Variants in ZRANB1 observed in about 807,000 individuals in gnomAD.
ZRANB1 encodes zinc finger RANBP2-type containing 1.
In ZRANB1, 16 loss-of-function variants were observed where a neutral mutation model predicts 80.5. That is an observed-to-expected ratio of 0.20 (90% confidence interval 0.13 to 0.30). ZRANB1 has a LOEUF of 0.30. Among genes scored for constraint, ZRANB1 ranks in the 10% least tolerant of loss-of-function variants. The pLI, the probability that ZRANB1 is intolerant of heterozygous loss-of-function variation, is 1.00. For missense variants in ZRANB1, 576 were observed against 862.6 expected, an observed-to-expected ratio of 0.67 and a Z score of 4.16; for synonymous variants, 291 against 293.1, an observed-to-expected ratio of 0.99 and a Z score of 0.07.
Position 124,942,948 on chromosome 10 carries a change from A to G in ZRANB1, c.455A>G (p.His152Arg), listed in dbSNP as rs77656372. Residue 152 changes from histidine to arginine, a missense_variant, in exon 1 of 9, where the codon CAC becomes CGC. By Grantham distance (29) the His-to-Arg change is conservative (BLOSUM62 0). This residue lies in a region of ZRANB1 where 411 missense variants were observed against 583.1 expected (regional missense o/e 0.70). Coordinates refer to ENST00000359653, the MANE Select transcript of ZRANB1 (RefSeq NM_017580.3). The stretch of plus-strand genomic sequence containing the variant: ...AATAAACTGAACACTAGGACACAGC[A>G]CTGGACTTGCTCTGTTTGCACATAT... ...DRNKLNTRTQ[H>R]WTCSVCTYEN... 864 of 1,614,234 alleles carry G rather than the reference A, an allele frequency of 5.4e-4. 3 individuals are homozygous for G. Among genetic ancestry groups the G allele is most frequent in the African/African-American group, 5.3e-3 (400 of 75,062 alleles).
chr10:124,945,341 T>G (rs1217275497), intron 1 of ZRANB1: 1 of 152,146 alleles, frequency 6.6e-6, no homozygotes, highest in East Asian at 1.9e-4. Context: ...TTTACATATC[T>G]GTGAGCTTTT....
In ZRANB1 at chr10:124,986,523, A is replaced by G. The variant is rs1404201788; in HGVS notation, c.*1531A>G. The G allele has an allele frequency of 6.6e-6, 1 of 152,330 alleles. No individual in the cohort carries two copies. The allele number at this position is 152,330 out of a possible 1,614,324, so 9.4% of individuals were successfully genotyped here. On this transcript the variant is annotated 3_prime_UTR_variant, in exon 9 of 9. Coordinates refer to ENST00000359653, the MANE Select transcript of ZRANB1 (RefSeq NM_017580.3). ...TCAGTAAAAAGGTGTTCCCAGGATG[A>G]AAAGATCATTTTTTGCTGCATGCTA...
the ZRANB1 span, among the ~76,000 whole-genome samples, chr10:124,922,885 G>A: frequency 4.6e-5 from 7 of 152,148 alleles, no homozygotes; most frequent in Non-Finnish European, 8.8e-5. Flanking sequence ...ACCCAGGCGT[G>A]GTGTCATGTG....
chr10:124,984,836 G>A lies in ZRANB1; in HGVS notation c.1971G>A (p.Glu657=). Residue 657 remains glutamate, a synonymous_variant, in exon 9 of 9, where the codon GAG becomes GAA. Coordinates refer to ENST00000359653, the MANE Select transcript of ZRANB1 (RefSeq NM_017580.3). ...LREWLDCCVT[E]GGVLVAMQKS... is the part of the protein sequence containing the mutation. ...AGTGGCTGGACTGCTGTGTGACGGAGGGGGGAGTTCTGGTTGCCATGCAGA... is the reference window on the plus strand; with the variant it reads ...AGTGGCTGGACTGCTGTGTGACGGAAGGGGGAGTTCTGGTTGCCATGCAGA... 1.9e-6 allele frequency: 3 copies of A among 1,614,000 alleles called. No individual in the cohort carries two copies. The highest frequency in any genetic ancestry group is 2.5e-6 in the Non-Finnish European group (3 of 1,179,992).
At chr10:124,938,546 C>T (rs1431432181), upstream of ZRANB1, among the ~76,000 whole-genome samples, 1 of 151,844 alleles carries the variant, frequency 6.6e-6, no homozygotes, top group Non-Finnish European at 1.5e-5. Flanking sequence ...AGGCTGGTCT[C>T]GAACTCTTGG....
Position 124,942,598 on chromosome 10 carries a change from A to C in ZRANB1, c.105A>C (p.Thr35=), listed in dbSNP as rs374738511. 153 of 1,614,106 alleles carry C rather than the reference A, an allele frequency of 9.5e-5. No individual in the cohort carries two copies. The highest frequency in any genetic ancestry group is 1.2e-4 in the Non-Finnish European group (143 of 1,180,048). The change falls in exon 1 of 9, where the codon ACA becomes ACC. Residue 35 remains threonine, a synonymous_variant. Transcript: ENST00000359653. ...TMCRAQRPSG[T]IITEDPFKSG... ...GTCGTGCCCAAAGACCTAGTGGAAC[A>C]ATTATTACAGAAGATCCATTTAAAA...
the ZRANB1 span, among the ~76,000 whole-genome samples, chr10:124,935,884 T>G: frequency 6.6e-6 from 1 of 152,160 alleles, no homozygotes; most frequent in Non-Finnish European, 1.5e-5. Context: ...TAGAAGGATG[T>G]GAGTGACATA....
chr10:124,923,581 G>GAA, the ZRANB1 span, among the ~76,000 whole-genome samples: 1 of 151,898 alleles, frequency 6.6e-6, no homozygotes, highest in African/African-American at 2.4e-5. Context: ...CGGAAGAAAA[G>GAA]AAAAAGAACT....
rs768781756 is a variant in ZRANB1, at chr10:124,983,607, T to C, written c.1827T>C (p.Asp609=). ...GTGCTGGTGCTAATCTCAATACCGA[T>C]GATGATGTCACCATCACATTTTTGC... The part of the protein sequence containing the change: ...NRGAGANLNT[D]DDVTITFLPL... The change falls in exon 8 of 9, where the codon GAT becomes GAC. Residue 609 remains aspartate, a synonymous_variant. Transcript: ENST00000359653. This position sits in a 1 kb window ranked among gnomAD's most constrained non-coding sequence, Gnocchi z 6.2. 1 of 1,614,018 alleles carries C rather than the reference T, an allele frequency of 6.2e-7. No individual in the cohort carries two copies. Among genetic ancestry groups the C allele is most frequent in the East Asian group, 2.2e-5 (1 of 44,876 alleles).
chr10:124,987,216 G>GGACT lies in ZRANB1; in HGVS notation c.*2224_*2225insGACT, dbSNP rs1952072732. 6.6e-6 allele frequency: 1 copy of GGACT among 152,510 alleles called. No homozygotes were observed. Among genetic ancestry groups the GGACT allele is most frequent in the African/African-American group, 2.4e-5 (1 of 41,392 alleles). The allele number at this position is 152,510 out of a possible 1,614,324, so 9.4% of individuals were successfully genotyped here. On this transcript the variant is annotated 3_prime_UTR_variant, in exon 9 of 9. Coordinates refer to ENST00000359653, the MANE Select transcript of ZRANB1 (RefSeq NM_017580.3). ...AGATAGAATATAGTCCTTTTTCAAA[G>GGACT]ATGATTATACGTGGCTAGGTGACAG... is the stretch of plus-strand genomic sequence containing the variant.
intron 1 of ZRANB1, among the ~76,000 whole-genome samples, chr10:124,961,971 A>G (rs1335014063): frequency 6.6e-6 from 1 of 152,164 alleles, no homozygotes; most frequent in East Asian, 1.9e-4. Context: ...GGCCTGCTCA[A>G]ATTATTTCTG....
intron 1 of ZRANB1, among the ~76,000 whole-genome samples, chr10:124,955,610 C>A (rs1320266758): frequency 3.9e-5 from 6 of 152,130 alleles, no homozygotes; most frequent in Non-Finnish European, 8.8e-5. Context: ...TGTGGGTTTA[C>A]TTCCTGTCCA....
the ZRANB1 span, among the ~76,000 whole-genome samples, chr10:124,921,038 T>C: frequency 6.6e-6 from 1 of 152,182 alleles, no homozygotes; most frequent in Non-Finnish European, 1.5e-5. Flanking sequence ...CTTTAAAAAT[T>C]TGGTTGGTAT....
the ZRANB1 span, among the ~76,000 whole-genome samples, chr10:124,918,084 G>T: frequency 6.6e-6 from 1 of 152,138 alleles, no homozygotes; most frequent in Non-Finnish European, 1.5e-5. Context: ...GTAGACTATC[G>T]ATTTAAGCGC....
chr10:124,963,575 T>TTTTTG (rs1210894096), intron 1 of ZRANB1, among the ~76,000 whole-genome samples: 1 of 137,606 alleles, frequency 7.3e-6, no homozygotes, highest in African/African-American at 2.8e-5. Flanking sequence ...TTTTTTTTTT[T>TTTTTG]TTGGGCATGT....
chr10:124,957,431 T>G (rs1041163971), intron 1 of ZRANB1, among the ~76,000 whole-genome samples: 1 of 152,184 alleles, frequency 6.6e-6, no homozygotes, highest in South Asian at 2.1e-4. Context: ...ATTTATACCA[T>G]TTTACTCATT....
rs913125714 is a variant in ZRANB1 at position 124,986,046 on chromosome 10, T to A, written c.*1054T>A. The A allele has an allele frequency of 5.9e-5, 9 of 152,608 alleles. No homozygotes were observed. The highest frequency in any genetic ancestry group is 1.2e-4 in the Non-Finnish European group (8 of 68,048). The allele number at this position is 152,608 out of a possible 1,614,324, so 9.5% of individuals were successfully genotyped here. A position where few individuals can be genotyped will look rare whatever the true frequency, so the allele number is the denominator to read the frequency against. On this transcript the variant is annotated 3_prime_UTR_variant, in exon 9 of 9. Transcript: ENST00000359653. ...GTATGAAGAATTTCTCAGTGTTTAG[T>A]CTGAGAATTTTTGCATGTTGGTTAA...
intron 1 of ZRANB1, chr10:124,945,570 G>A (rs1008848902): frequency 6.6e-6 from 1 of 152,032 alleles, no homozygotes. Flanking sequence ...CTCACTAAAG[G>A]TCATAGAATC....
At chr10:124,935,037 A>AGT in the ZRANB1 span, among the ~76,000 whole-genome samples, 1 of 152,354 alleles carries the variant, frequency 6.6e-6, no homozygotes, top group East Asian at 1.9e-4. Context: ...CAAATAATTT[A>AGT]GTGATTGTTG....
Sources: allele counts gnomAD v4.1 joint callset (sites outside exome capture counted in the v4.1 genomes callset), GRCh38; gene constraint gnomAD v4.1.1; regional missense constraint gnomAD v4.1.1; non-coding constraint Gnocchi (gnomAD v3.1); transcripts MANE v1.5; gene names NCBI Gene and HGNC (gene_info 2026-07-23, HGNC 2026-07-21).